EDIL3: variants seen among roughly 807,000 people sequenced by gnomAD.
The protein encoded by EDIL3 is EGF-like repeat and discoidin I-like domain-containing protein 3.
Under a neutral mutation model 67.4 loss-of-function variants are expected in EDIL3, and 37 were observed. The ratio of observed to expected loss-of-function variants is 0.55; its 90% confidence interval spans 0.42 to 0.72. The LOEUF is 0.72. Among genes scored for constraint, EDIL3 ranks in the 30% least tolerant of loss-of-function variants. The pLI, the probability that EDIL3 is intolerant of heterozygous loss-of-function variation, is 0.00. For missense variants in EDIL3, 527 were observed against 586.3 expected (o/e 0.90, Z 1.04); for synonymous variants, 195 against 196.3 (o/e 0.99, Z 0.05).
chr5:84,340,607 A>C (rs2112176920), intron 1 of EDIL3, among the ~76,000 whole-genome samples: 1 of 142,990 alleles, frequency 7.0e-6, no homozygotes, highest in African/African-American at 2.6e-5. Context: ...TATGTATATA[A>C]AAATTGAACT....
intron 9 of EDIL3, among the ~76,000 whole-genome samples, chr5:84,019,261 T>C (rs371381799): frequency 6.6e-6 from 1 of 152,082 alleles, no homozygotes; most frequent in South Asian, 2.1e-4. Flanking sequence ...TGGATGAAGC[T>C]GGAAACCATC....
intron 9 of EDIL3, among the ~76,000 whole-genome samples, chr5:84,017,261 G>A (rs1034484219): frequency 2.6e-5 from 4 of 152,084 alleles, no homozygotes; most frequent in Admixed American, 2.0e-4. Flanking sequence ...ATCCGGCAAT[G>A]TGCCAGGCTG....
At chr5:84,008,542 G>C (rs181374423) in intron 9 of EDIL3, among the ~76,000 whole-genome samples, 1 of 152,056 alleles carries the variant, frequency 6.6e-6, no homozygotes, top group Non-Finnish European at 1.5e-5. Context: ...TCCTTTGATG[G>C]GCAGAGGAAA....
At chr5:84,355,339 A>T (rs1747457773) in intron 1 of EDIL3, among the ~76,000 whole-genome samples, 1 of 151,828 alleles carries the variant, frequency 6.6e-6, no homozygotes, top group Non-Finnish European at 1.5e-5. Flanking sequence ...CCATCAGGTC[A>T]TTTATGTTCT....
intron 3 of EDIL3, among the ~76,000 whole-genome samples, chr5:84,224,315 T>C (rs1379313430): frequency 6.6e-6 from 1 of 151,504 alleles, no homozygotes; most frequent in Admixed American, 6.6e-5. Context: ...TCTAAAATTA[T>C]AGCTAATAAG....
intron 6 of EDIL3, among the ~76,000 whole-genome samples, chr5:84,103,389 A>T (rs1332433703): frequency 6.6e-6 from 1 of 152,098 alleles, no homozygotes; most frequent in Non-Finnish European, 1.5e-5. Flanking sequence ...TAAACTAAAG[A>T]GCTTCTGCAC....
chr5:84,378,806 A>T (rs1046685580), intron 1 of EDIL3, among the ~76,000 whole-genome samples: 4 of 152,192 alleles, frequency 2.6e-5, no homozygotes, highest in Admixed American at 6.5e-5. Context: ...TTGCTCCATG[A>T]TTTAGATCCC....
chr5:84,035,264 T>A (rs1354495971), intron 9 of EDIL3, among the ~76,000 whole-genome samples: 1 of 152,142 alleles, frequency 6.6e-6, no homozygotes, highest in Non-Finnish European at 1.5e-5. Context: ...TGACTAAATC[T>A]TAGCAAAGAT....
chr5:84,361,895 G>A (rs573902555), intron 1 of EDIL3, among the ~76,000 whole-genome samples: 24 of 151,856 alleles, frequency 1.6e-4, no homozygotes, highest in African/African-American at 2.2e-4. Flanking sequence ...AGAACCAACC[G>A]ATTATCTAAA....
At chr5:84,342,711 T>A (rs1747140757) in intron 1 of EDIL3, among the ~76,000 whole-genome samples, 1 of 152,000 alleles carries the variant, frequency 6.6e-6, no homozygotes, top group Non-Finnish European at 1.5e-5. Context: ...GGTGAATTGA[T>A]TACTTTTCTT....
intron 9 of EDIL3, among the ~76,000 whole-genome samples, chr5:83,995,055 T>C (rs894181439): frequency 2.6e-5 from 4 of 152,156 alleles, no homozygotes; most frequent in African/African-American, 7.2e-5. Flanking sequence ...ATCTGTTTTT[T>C]GTAAAAGACT....
At chr5:84,339,963 C>T (rs1021299136) in intron 1 of EDIL3, among the ~76,000 whole-genome samples, 8 of 151,910 alleles carry the variant, frequency 5.3e-5, no homozygotes, top group African/African-American at 1.9e-4. Context: ...GAAAGCACAG[C>T]ATTAAAAATA....
intron 9 of EDIL3, among the ~76,000 whole-genome samples, chr5:84,015,194 G>T (rs1745580772): frequency 6.6e-6 from 1 of 152,198 alleles, no homozygotes; most frequent in Non-Finnish European, 1.5e-5. Flanking sequence ...ACACTGTGAT[G>T]CAATGTGGGC....
intron 2 of EDIL3, among the ~76,000 whole-genome samples, chr5:84,240,589 T>A (rs941568515): frequency 6.6e-6 from 1 of 152,120 alleles, no homozygotes; most frequent in Non-Finnish European, 1.5e-5. Flanking sequence ...AGCATGCCTA[T>A]GTGGGTTATC....
chr5:84,145,428 G>A (rs180808414), intron 4 of EDIL3, among the ~76,000 whole-genome samples: 6 of 152,084 alleles, frequency 3.9e-5, no homozygotes, highest in South Asian at 4.1e-4. Context: ...TTTTATGGCC[G>A]TATCAATCAA....
At chr5:84,259,033 C>T (rs1235022882) in intron 1 of EDIL3, among the ~76,000 whole-genome samples, 1 of 136,650 alleles carries the variant, frequency 7.3e-6, no homozygotes, top group Non-Finnish European at 1.5e-5. Flanking sequence ...GATCTCAGCT[C>T]ACTGCCAGCT....
At chr5:84,037,364 T>C (rs898370574) in intron 9 of EDIL3, among the ~76,000 whole-genome samples, 11 of 152,194 alleles carry the variant, frequency 7.2e-5, no homozygotes, top group Non-Finnish European at 1.0e-4. Flanking sequence ...GCAGAAAAAA[T>C]AGTAAGTTTG....
rs144690801 is a variant in EDIL3, at chr5:84,244,574, C to T, written c.196+9510G>A. Among the ~76,000 whole-genome samples, 155 of 152,152 alleles carry T rather than the reference C, an allele frequency of 1.0e-3. No individual in the cohort carries two copies. In the East Asian group the frequency reaches 0.02, roughly 19 times the overall value. ...AAAGTACTGGGATTACAGGCATGAG[C>T]CACTGCTCCAGGCCAAAACATTTAT... On this transcript the variant is annotated intron_variant, in intron 2 of 10. Transcript: ENST00000296591.
At chr5:83,970,498 A>G (rs998843649) in intron 9 of EDIL3, among the ~76,000 whole-genome samples, 1 of 148,588 alleles carries the variant, frequency 6.7e-6, no homozygotes, top group Non-Finnish European at 1.5e-5. Flanking sequence ...ATATTTTTGT[A>G]TGGCTAAAAA....
Sources: gnomAD v4.1 joint callset for allele counts (sites outside exome capture counted in the v4.1 genomes callset) on GRCh38, gnomAD v4.1.1 for gene constraint, MANE v1.5 for transcripts, NCBI Gene and HGNC (gene_info 2026-07-23, HGNC 2026-07-21) for gene names.